CTDSPL2: variants seen among roughly 807,000 people sequenced by gnomAD.
CTDSPL2 encodes CTD small phosphatase like 2.
In CTDSPL2, 5 loss-of-function variants were observed where a neutral mutation model predicts 60.0. The ratio of observed to expected loss-of-function variants is 0.08; its 90% CI spans 0.04 to 0.18. The LOEUF (loss-of-function observed/expected upper bound fraction) is 0.18. CTDSPL2 is among the 10% of genes least tolerant of loss of function. The pLI, the probability that CTDSPL2 is intolerant of heterozygous loss-of-function variation, is 1.00. For synonymous variants in CTDSPL2, 186 were observed against 189.3 expected, an observed-to-expected ratio of 0.98 and a Z score of 0.14; for missense variants, 370 against 548.8, an observed-to-expected ratio of 0.67 and a Z score of 3.26.
chr15:44,491,177 G>A (rs2081207798), intron 5 of CTDSPL2, among the ~76,000 whole-genome samples, 178 bp downstream of exon 5: 1 of 152,132 alleles, frequency 6.6e-6, no homozygotes, highest in South Asian at 2.1e-4. Flanking sequence ...TTTTGAAATT[G>A]AAATTTTTTA....
intron 2 of CTDSPL2, among the ~76,000 whole-genome samples, chr15:44,470,154 C>T (rs1422126660): frequency 6.8e-6 from 1 of 146,636 alleles, no homozygotes; most frequent in African/African-American, 2.5e-5. Context: ...CTTATTTTTT[C>T]ATGTACTTGT....
rs140952799 is a variant in CTDSPL2 at position 44,523,424 on chromosome 15, A to G, written c.1336-685A>G. On this transcript the variant is annotated intron_variant, in intron 12 of 12. Transcript: ENST00000260327. ...CATACATACATACATACATACATAC[A>G]TACATACATACATACATACATAAGC... Among the ~76,000 whole-genome samples the G allele has an allele frequency of 8.3e-5, 12 of 143,816 alleles. No homozygotes were observed. In the East Asian group the frequency reaches 2.3e-3, roughly 28 times the overall value. The allele number at this position is 143,816 out of a possible 152,430, so 94.3% of individuals were successfully genotyped here.
chr15:44,457,100 C>A (rs2080463514), intron 1 of CTDSPL2, among the ~76,000 whole-genome samples: 1 of 152,110 alleles, frequency 6.6e-6, no homozygotes, highest in South Asian at 2.1e-4. Flanking sequence ...TGGTCTTGAA[C>A]TCCTGGGCTC....
At chr15:44,471,919 G>C (rs942394065) in intron 2 of CTDSPL2, among the ~76,000 whole-genome samples, 1 of 151,230 alleles carries the variant, frequency 6.6e-6, no homozygotes, top group Non-Finnish European at 1.5e-5. Context: ...CATCCATGGT[G>C]CATTTGTTCT....
chr15:44,460,596 G>T (rs1459063051), intron 2 of CTDSPL2, among the ~76,000 whole-genome samples: 1 of 152,138 alleles, frequency 6.6e-6, no homozygotes, highest in East Asian at 1.9e-4. Flanking sequence ...CATAGGGATA[G>T]ATTTTGTTGT....
At chr15:44,432,482 G>A (rs570388003) in intron 1 of CTDSPL2, among the ~76,000 whole-genome samples, 1 of 151,808 alleles carries the variant, frequency 6.6e-6, no homozygotes, top group African/African-American at 2.4e-5. Context: ...ACCATGCTCG[G>A]CTAATTTTTG....
intron 2 of CTDSPL2, among the ~76,000 whole-genome samples, chr15:44,479,959 GT>G (rs1471906191): frequency 2.0e-5 from 3 of 152,006 alleles, no homozygotes; most frequent in African/African-American, 7.3e-5. Context: ...TTTATGTAGT[GT>G]TTTTAAATAT....
chr15:44,492,029 A>ATT (rs34619247), intron 5 of CTDSPL2, among the ~76,000 whole-genome samples: 3 of 146,212 alleles, frequency 2.1e-5, no homozygotes, highest in Non-Finnish European at 4.5e-5. Context: ...ACTCCCAGCT[A>ATT]TTTTTTTTTT....
At chr15:44,431,194 C>G (rs1208295517) in intron 1 of CTDSPL2, among the ~76,000 whole-genome samples, 1 of 151,374 alleles carries the variant, frequency 6.6e-6, no homozygotes, top group Non-Finnish European at 1.5e-5. Flanking sequence ...CTCCTAGGCT[C>G]AAGTGATTCT....
chr15:44,468,595 T>C (rs895473604), intron 2 of CTDSPL2, among the ~76,000 whole-genome samples: 7 of 152,238 alleles, frequency 4.6e-5, no homozygotes, highest in African/African-American at 1.4e-4. Flanking sequence ...GTAAACATTT[T>C]CTATAAATAT....
At chr15:44,506,062 A>G (rs1757069263) in intron 8 of CTDSPL2, among the ~76,000 whole-genome samples, 2 of 134,842 alleles carry the variant, frequency 1.5e-5, no homozygotes, top group East Asian at 2.4e-4. Flanking sequence ...CAGAGTCTCA[A>G]TCTGTTGCCC....
intron 1 of CTDSPL2, chr15:44,449,010 T>C (rs988704123): frequency 2.9e-6 from 1 of 344,050 alleles, no homozygotes; most frequent in Non-Finnish European, 5.6e-6. Context: ...CTAAAATATT[T>C]CCTTGAGTTT....
intron 2 of CTDSPL2, among the ~76,000 whole-genome samples, chr15:44,471,960 T>C (rs1177337605): frequency 6.6e-6 from 1 of 151,462 alleles, no homozygotes; most frequent in Non-Finnish European, 1.5e-5. Context: ...TCCTGGGAAT[T>C]GAATAAAAAT....
chr15:44,469,402 C>T (rs1172939010), intron 2 of CTDSPL2, among the ~76,000 whole-genome samples: 1 of 151,924 alleles, frequency 6.6e-6, no homozygotes, highest in African/African-American at 2.4e-5. Flanking sequence ...CTTGCTACTT[C>T]CTTGATTAGA....
rs562302274 is a variant in CTDSPL2 at position 44,428,552 on chromosome 15, G to A, written c.-25+780G>A. ...TGTGTGAATGATGTTAAACACTTCAGCGTACCTTAGGGAAACCTAAAGAGA... is the reference window on the plus strand; with the variant it reads ...TGTGTGAATGATGTTAAACACTTCAACGTACCTTAGGGAAACCTAAAGAGA... On this transcript the variant is annotated intron_variant, in intron 1 of 12. Transcript: ENST00000260327. Among the ~76,000 whole-genome samples, 21 of 152,314 alleles carry A rather than the reference G, an allele frequency of 1.4e-4. No individual in the cohort carries two copies. The South Asian group carries it at 4.1e-3, about 30-fold the overall frequency.
At chr15:44,508,126 A>G (rs1486486767) in intron 8 of CTDSPL2, among the ~76,000 whole-genome samples, 1 of 150,326 alleles carries the variant, frequency 6.7e-6, no homozygotes, top group African/African-American at 2.5e-5. Flanking sequence ...TCTGCCACCC[A>G]GGCTAGAGTA....
At chr15:44,499,685 T>C (rs2081356888) in intron 7 of CTDSPL2, 42 bp from the exon 8 acceptor site, 3 of 1,173,144 alleles carry the variant, frequency 2.6e-6, no homozygotes, top group Non-Finnish European at 2.5e-6. Context: ...TGAAGTTTCT[T>C]TTACTATCTT....
chr15:44,465,490 C>T (rs1273420456), intron 2 of CTDSPL2, among the ~76,000 whole-genome samples: 1 of 152,082 alleles, frequency 6.6e-6, no homozygotes. Context: ...CTAATACTTT[C>T]ATGTGAAACA....
intron 1 of CTDSPL2, among the ~76,000 whole-genome samples, chr15:44,444,127 C>T (rs1352615972): frequency 6.6e-5 from 10 of 151,992 alleles, no homozygotes; most frequent in African/African-American, 4.8e-5. Context: ...CTGGTCAAAA[C>T]GGTCCTTCTG....
Sources: gnomAD v4.1 joint callset for allele counts (sites outside exome capture counted in the v4.1 genomes callset) on GRCh38, gnomAD v4.1.1 for gene constraint, MANE v1.5 for transcripts, NCBI Gene and HGNC (gene_info 2026-07-23, HGNC 2026-07-21) for gene names.